The following CNTRL variants were observed in gnomAD, a reference collection of about 807,000 sequenced individuals.
The protein encoded by CNTRL is 110 kDa centrosomal protein.
In CNTRL, 233 loss-of-function variants were observed where a neutral mutation model predicts 303.7. That is an observed-to-expected ratio of 0.77 (90% CI 0.69 to 0.86). CNTRL has a LOEUF of 0.86. CNTRL is among the 40% of genes least tolerant of loss of function. The probability of loss-of-function intolerance (pLI) is 0.00; values close to 1 mark genes in which losing one functional copy is unlikely to be tolerated. For synonymous variants in CNTRL, 900 were observed against 922.2 expected, an observed-to-expected ratio of 0.98 and a Z score of 0.44; for missense variants, 2,524 against 2,650.6, an observed-to-expected ratio of 0.95 and a Z score of 1.05.
chr9:121,155,292 T>G (rs989653108), intron 27 of CNTRL, among the ~76,000 whole-genome samples: 1 of 152,198 alleles, frequency 6.6e-6, no homozygotes, highest in South Asian at 2.1e-4. Context: ...AGGTCAATCT[T>G]TATATTCTTA....
intron 14 of CNTRL, among the ~76,000 whole-genome samples, chr9:121,128,553 A>G (rs1364058987): frequency 7.2e-5 from 11 of 152,188 alleles, no homozygotes; most frequent in Admixed American, 2.6e-4. Context: ...CCTTTGTCAG[A>G]TGAGCAGATT....
chr9:121,093,292 T>C (rs1446875217), intron 4 of CNTRL, among the ~76,000 whole-genome samples: 2 of 152,292 alleles, frequency 1.3e-5, no homozygotes, highest in African/African-American at 4.8e-5. Flanking sequence ...AGAAGATATA[T>C]TGCCTTACCA....
At chr9:121,082,023 C>G (rs1467826944) in intron 2 of CNTRL, among the ~76,000 whole-genome samples, 1 of 152,130 alleles carries the variant, frequency 6.6e-6, no homozygotes, top group Non-Finnish European at 1.5e-5. Flanking sequence ...GTGGAGAACC[C>G]AAAGGTTTTA....
intron 12 of CNTRL, among the ~76,000 whole-genome samples, chr9:121,122,811 A>G (rs1486913737): frequency 6.6e-6 from 1 of 152,160 alleles, no homozygotes; most frequent in Non-Finnish European, 1.5e-5. Flanking sequence ...TAGTTCCCTG[A>G]TGCCATGACT....
rs2050483286 is a variant in CNTRL at position 121,125,733 on chromosome 9, G to A, written c.1822G>A (p.Glu608Lys). The change falls in exon 14 of 44, where the codon GAA becomes AAA. Residue 608 changes from glutamate to lysine, a missense_variant. Coordinates refer to ENST00000373855, the MANE Select transcript of CNTRL (RefSeq NM_007018.6). ...TTGCTTAGGCCAGATAGCAGCAAAT[G>A]AAGCCCTGAAGAAGGATTTAGAAGG... ...QLTEGQIAAN[E>K]ALKKDLEGVI... 1 of 1,614,150 alleles carries A rather than the reference G, an allele frequency of 6.2e-7. No homozygotes were observed. The highest frequency in any genetic ancestry group is 8.5e-7 in the Non-Finnish European group (1 of 1,180,004).
chr9:121,171,229 A>G (rs2053288815), intron 39 of CNTRL, 179 bp from the exon 40 acceptor site: 2 of 695,446 alleles, frequency 2.9e-6, no homozygotes, highest in Non-Finnish European at 5.3e-6. Context: ...TCTGACGTGT[A>G]TATACGCCCA....
At position 121,173,601 on chromosome 9, in the gene CNTRL, G is replaced by C. The variant is rs564198834; in HGVS notation, c.6685-74G>C. 4.3e-6 allele frequency: 7 copies of C among 1,610,108 alleles called. No individual in the cohort carries two copies. In the East Asian group the frequency reaches 1.3e-4, roughly 31 times the overall value. On this transcript the variant is annotated intron_variant, in intron 41 of 43. Transcript: ENST00000373855. ...ACAGATGTGGGGGTGCTGGGGTAGG[G>C]GAGGGAAAGGCTGGTTGGCTTCCAT...
At chr9:121,141,352 T>A in intron 17 of CNTRL, 29 bp from the exon 18 acceptor site, 1 of 1,539,044 alleles carries the variant, frequency 6.5e-7, no homozygotes, top group Non-Finnish European at 9.0e-7. Context: ...AAATGTCACA[T>A]TTATACCATT....
In CNTRL at chr9:121,168,158, GAC is replaced by G. The variant is rs746054135; in HGVS notation, c.5910_5911del (p.Leu1971GlufsTer29). 1 of 1,614,088 alleles carries G rather than the reference GAC, an allele frequency of 6.2e-7. No homozygotes were observed. The highest frequency in any genetic ancestry group is 8.5e-7 in the Non-Finnish European group (1 of 1,180,032). On this transcript the variant is annotated frameshift_variant, in exon 38 of 44. Transcript: ENST00000373855. LOFTEE classifies it high-confidence loss of function. ...EESKLETSKV[T>X]LKEQQHQLEK... ...AAAGCAAATTAGAAACCAGTAAAGT[GAC>G]ACTGAAGGAGCAACAGCACCAGCTG...
chr9:121,078,423 T>C (rs867403501), intron 1 of CNTRL, among the ~76,000 whole-genome samples: 4 of 152,000 alleles, frequency 2.6e-5, no homozygotes, highest in Middle Eastern at 3.4e-3. Flanking sequence ...AAGAAAAAAA[T>C]AGTATTACTG....
At chr9:121,140,908 G>T (rs1445044369) in intron 17 of CNTRL, 122 bp downstream of exon 17, 4 of 926,456 alleles carry the variant, frequency 4.3e-6, no homozygotes, top group African/African-American at 3.4e-5. Flanking sequence ...CTTTTGTAAG[G>T]TTCTCCTTAT....
chr9:121,089,595 C>T (rs2132279450), intron 3 of CNTRL, among the ~76,000 whole-genome samples: 1 of 152,182 alleles, frequency 6.6e-6, no homozygotes, highest in Middle Eastern at 3.4e-3. Context: ...TTTAGAGTTT[C>T]TTACCATAAA....
intron 4 of CNTRL, among the ~76,000 whole-genome samples, 168 bp downstream of exon 4, chr9:121,090,573 C>T (rs2048523957): frequency 6.6e-6 from 1 of 152,130 alleles, no homozygotes; most frequent in African/African-American, 2.4e-5. Context: ...TAATAAGTTT[C>T]TATTACTCAA....
At position 121,128,312 on chromosome 9, in the gene CNTRL, T is replaced by A. The variant is rs574065305; in HGVS notation, c.2025+2376T>A. 8.5e-4 allele frequency among the ~76,000 whole-genome samples: 130 copies of A among 152,328 alleles called. 1 individual carries two copies. Among genetic ancestry groups the A allele is most frequent in the African/African-American group, 2.1e-3 (88 of 41,570 alleles). ...CACATCCTCTCCAGCATCTGTTGTT[T>A]CCTGACTTTTTAATGATCACCATTC... On this transcript the variant is annotated intron_variant, in intron 14 of 43. Transcript: ENST00000373855.
intron 14 of CNTRL, among the ~76,000 whole-genome samples, chr9:121,131,501 C>T (rs1340394543): frequency 1.3e-5 from 2 of 152,128 alleles, no homozygotes; most frequent in African/African-American, 4.8e-5. Flanking sequence ...TTCCTCCATT[C>T]CTTTATTTTG....
chr9:121,166,172 G>A lies in CNTRL; in HGVS notation c.5647G>A (p.Ala1883Thr). Residue 1883 changes from alanine to threonine, a missense_variant, in exon 36 of 44, where the codon GCA (alanine) becomes ACA (threonine). Coordinates refer to ENST00000373855, the MANE Select transcript of CNTRL (RefSeq NM_007018.6). The stretch of plus-strand genomic sequence containing the variant: ...TAATGTCCAAGACCATTTGAACCTA[G>A]CAAAACAGGTAAGGTTAACAAATGT... ...LANVQDHLNL[A>T]KQDLLHTTKH... 1 of 1,609,658 alleles carries A rather than the reference G, an allele frequency of 6.2e-7. No individual in the cohort carries two copies. Among genetic ancestry groups the A allele is most frequent in the African/African-American group, 1.3e-5 (1 of 74,816 alleles).
rs571727593 is a variant in CNTRL, at chr9:121,096,346, C to A, written c.480-76C>A. On this transcript the variant is annotated intron_variant, in intron 5 of 43. Transcript: ENST00000373855. ...AAAGTAATCTAACATGGAGCTAAAGCTGTTTATTCTAAAAATACAATGGAG... is the reference window on the plus strand; with the variant it reads ...AAAGTAATCTAACATGGAGCTAAAGATGTTTATTCTAAAAATACAATGGAG... 190 of 837,816 alleles carry A rather than the reference C, an allele frequency of 2.3e-4. No individual in the cohort carries two copies. The African/African-American group carries it at 3.1e-3, about 14-fold the overall frequency. 51.9% of individuals were successfully genotyped at this position (837,816 alleles called of 1,614,324 possible). A position where few individuals can be genotyped will look rare whatever the true frequency, so the allele number is the denominator to read the frequency against.
intron 14 of CNTRL, among the ~76,000 whole-genome samples, chr9:121,132,758 A>C (rs758287256): frequency 6.6e-6 from 1 of 152,114 alleles, no homozygotes; most frequent in Non-Finnish European, 1.5e-5. Context: ...GTTTCTCCCC[A>C]TCTTTGTGGT....
chr9:121,146,371 C>A, intron 23 of CNTRL, 115 bp downstream of exon 23: 1 of 1,044,544 alleles, frequency 9.6e-7, no homozygotes, highest in Non-Finnish European at 1.4e-6. Flanking sequence ...TATGCTAAGC[C>A]GTGCATTGAG....
Sources: gnomAD v4.1 joint callset for allele counts (sites outside exome capture counted in the v4.1 genomes callset) on GRCh38, gnomAD v4.1.1 for gene constraint, MANE v1.5 for transcripts, NCBI Gene and HGNC (gene_info 2026-07-23, HGNC 2026-07-21) for gene names.